The following CSN1S1 variants were observed in gnomAD, a reference collection of about 807,000 sequenced individuals.
CSN1S1 encodes the protein alpha-S1-casein.
A neutral mutation model predicts 49.1 loss-of-function variants in CSN1S1; 63 were observed. The ratio of observed to expected loss-of-function variants is 1.28; its 90% CI spans 1.05 to 1.58. The LOEUF is 1.58. CSN1S1 is among the 40% of genes most tolerant of loss of function. The pLI is 0.00. For synonymous variants in CSN1S1, 78 were observed against 67.1 expected (o/e 1.16, Z -0.79); for missense variants, 260 against 224.7 (o/e 1.16, Z -1.01).
intron 5 of CSN1S1, 146 bp from the exon 6 acceptor site, chr4:69,936,310 T>G: frequency 1.4e-6 from 1 of 706,452 alleles, no homozygotes; most frequent in Non-Finnish European, 2.4e-6. Context: ...AGAAATGATA[T>G]AATAAGGAAT....
chr4:69,936,100 T>A (rs962432690), intron 5 of CSN1S1, among the ~76,000 whole-genome samples, 151 bp downstream of exon 5: 3 of 151,954 alleles, frequency 2.0e-5, no homozygotes, highest in African/African-American at 4.8e-5. Context: ...AAATGCACAT[T>A]TACATACTAG....
chr4:69,939,999 G>A (rs1424919607), intron 10 of CSN1S1, 22 bp from the exon 11 acceptor site: 1 of 1,345,508 alleles, frequency 7.4e-7, no homozygotes, highest in South Asian at 1.5e-5. Context: ...TTAAAACTAT[G>A]CATGTTTTAA....
At chr4:69,945,557 A>C in intron 15 of CSN1S1, among the ~76,000 whole-genome samples, 1 of 152,026 alleles carries the variant, frequency 6.6e-6, no homozygotes, top group East Asian at 1.9e-4. Context: ...GAATAGGTAA[A>C]AGTCCATTTT....
At chr4:69,936,503 A>C (rs757150661) in intron 6 of CSN1S1, 24 bp downstream of exon 6, 2 of 1,588,650 alleles carry the variant, frequency 1.3e-6, no homozygotes, top group Non-Finnish European at 1.7e-6. Context: ...ATGAAATTTA[A>C]ATTATGTTAA....
At chr4:69,945,181 A>G (rs1723123837) in intron 15 of CSN1S1, among the ~76,000 whole-genome samples, 177 bp downstream of exon 15, 1 of 152,032 alleles carries the variant, frequency 6.6e-6, no homozygotes, top group African/African-American at 2.4e-5. Context: ...CCTGTGGCTA[A>G]TATTATCAAT....
rs1722956771 is a variant in CSN1S1, at chr4:69,941,068, T to A, written c.342+8T>A. The A allele has an allele frequency of 2.1e-6, 3 of 1,436,424 alleles. No individual in the cohort carries two copies. The highest frequency in any genetic ancestry group is 2.9e-6 in the Non-Finnish European group (3 of 1,047,302). The allele number at this position is 1,436,424 out of a possible 1,614,324, so 89.0% of individuals were successfully genotyped here. ...TACAACCAACTTCAGCTGGTAATAT[T>A]TTATTCATTATAATACAAAATCATA... On this transcript the variant is annotated splice_region_variant and intron_variant, in intron 12 of 15. Coordinates refer to ENST00000246891, the MANE Select transcript of CSN1S1 (RefSeq NM_001890.2).
At chr4:69,943,858 T>C (rs1197417039) in intron 14 of CSN1S1, among the ~76,000 whole-genome samples, 2 of 152,016 alleles carry the variant, frequency 1.3e-5, no homozygotes, top group Admixed American at 6.6e-5. Context: ...ATAGCATTAA[T>C]TAATTTGTGA....
chr4:69,941,954 G>T, intron 12 of CSN1S1, 92 bp from the exon 13 acceptor site: 1 of 752,262 alleles, frequency 1.3e-6, no homozygotes, highest in Non-Finnish European at 2.1e-6. Context: ...ATTTAACATT[G>T]TCCCTGAACA....
At chr4:69,934,350 C>A in intron 3 of CSN1S1, 106 bp downstream of exon 3, 4 of 1,113,836 alleles carry the variant, frequency 3.6e-6, no homozygotes, top group South Asian at 1.4e-5. Flanking sequence ...CTTTTGCTGA[C>A]GCATCATTTC....
At position 69,940,009 on chromosome 4, in the gene CSN1S1, A is replaced by AT. The variant is rs1249233865; in HGVS notation, c.277-5dup. 3.6e-6 allele frequency: 5 copies of AT among 1,378,492 alleles called. No individual in the cohort carries two copies. The highest frequency in any genetic ancestry group is 3.0e-5 in the African/African-American group (2 of 67,434). The allele number at this position is 1,378,492 out of a possible 1,614,324, so 85.4% of individuals were successfully genotyped here. On this transcript the variant is annotated splice_polypyrimidine_tract_variant and intron_variant, in intron 10 of 15. Coordinates refer to ENST00000246891, the MANE Select transcript of CSN1S1 (RefSeq NM_001890.2). ...TGAAATTAAAACTATGCATGTTTTAATTTTTTTAAAGGAAATGTCTCTCAG... is the reference window on the plus strand; with the variant it reads ...TGAAATTAAAACTATGCATGTTTTAATTTTTTTTAAAGGAAATGTCTCTCAG...
chr4:69,935,305 G>A (rs1722737382), intron 4 of CSN1S1, among the ~76,000 whole-genome samples: 1 of 151,612 alleles, frequency 6.6e-6, no homozygotes, highest in Admixed American at 6.6e-5. Flanking sequence ...TTGGGAGGCT[G>A]AGGCAGGAGG....
chr4:69,940,146 C>T, intron 11 of CSN1S1, 102 bp downstream of exon 11: 1 of 516,872 alleles, frequency 1.9e-6, no homozygotes, highest in South Asian at 4.9e-5. Context: ...CACACACACA[C>T]ACACGGGAAA....
intron 14 of CSN1S1, among the ~76,000 whole-genome samples, chr4:69,943,916 A>G (rs1332848353): frequency 6.6e-6 from 1 of 152,034 alleles, no homozygotes; most frequent in Non-Finnish European, 1.5e-5. Context: ...CCCACTTCTC[A>G]TCACTGTTGT....
intron 15 of CSN1S1, 21 bp downstream of exon 15, chr4:69,945,025 A>T: frequency 1.9e-6 from 3 of 1,609,846 alleles, no homozygotes; most frequent in Non-Finnish European, 2.5e-6. Context: ...TTAAATTACT[A>T]CATCTTGATG....
At chr4:69,939,061 C>T (rs928376992) in intron 9 of CSN1S1, 115 bp from the exon 10 acceptor site, 7 of 645,134 alleles carry the variant, frequency 1.1e-5, no homozygotes, top group Admixed American at 8.5e-5. Flanking sequence ...TTCCATACCA[C>T]TTATTCAGTT....
chr4:69,932,169 A>C (rs1260353872), intron 1 of CSN1S1, among the ~76,000 whole-genome samples: 1 of 151,908 alleles, frequency 6.6e-6, no homozygotes, highest in Non-Finnish European at 1.5e-5. Context: ...AGAAAATCTG[A>C]TTTGTCATCT....
At chr4:69,940,153 G>T in intron 11 of CSN1S1, 109 bp downstream of exon 11, 1 of 466,734 alleles carries the variant, frequency 2.1e-6, no homozygotes, top group East Asian at 3.8e-5. Flanking sequence ...ACACACACGG[G>T]AAAACATGCT....
At chr4:69,936,383 G>T in intron 5 of CSN1S1, 73 bp from the exon 6 acceptor site, 1 of 1,149,164 alleles carries the variant, frequency 8.7e-7, no homozygotes, top group Non-Finnish European at 1.3e-6. Context: ...GTGAAGTACA[G>T]TTTCTCATAG....
chr4:69,942,769 G>T (rs1300269460), intron 14 of CSN1S1, among the ~76,000 whole-genome samples, 192 bp downstream of exon 14: 2 of 151,436 alleles, frequency 1.3e-5, no homozygotes, highest in Non-Finnish European at 2.9e-5. Flanking sequence ...TTGGACCTTT[G>T]GTTTCTCATT....
Sources: allele counts gnomAD v4.1 joint callset (sites outside exome capture counted in the v4.1 genomes callset), GRCh38; gene constraint gnomAD v4.1.1; transcripts MANE v1.5; gene names NCBI Gene and HGNC (gene_info 2026-07-23, HGNC 2026-07-21).